COX7B2: variants seen among roughly 807,000 people sequenced by gnomAD.
COX7B2 encodes the protein cytochrome c oxidase subunit 7B2, mitochondrial.
For missense variants in COX7B2, 109 were observed against 95.9 expected (o/e 1.14, Z -0.57); for synonymous variants, 37 against 32.1 (o/e 1.15, Z -0.51).
intron 2 of COX7B2, among the ~76,000 whole-genome samples, chr4:46,818,826 C>T (rs1471046036): frequency 6.6e-6 from 1 of 152,146 alleles, no homozygotes; most frequent in Non-Finnish European, 1.5e-5. Context: ...CTTAACTGTT[C>T]CACAAACACA....
At chr4:46,745,095 A>C (rs2109411398) in intron 2 of COX7B2, among the ~76,000 whole-genome samples, 1 of 152,312 alleles carries the variant, frequency 6.6e-6, no homozygotes, top group East Asian at 1.9e-4. Context: ...AATTGTTTGC[A>C]GTTGCCAACC....
intron 2 of COX7B2, among the ~76,000 whole-genome samples, chr4:46,826,094 T>C (rs1714672244): frequency 6.6e-6 from 1 of 152,022 alleles, no homozygotes; most frequent in South Asian, 2.1e-4. Flanking sequence ...ACAGACAAAC[T>C]ACAGAATGAG....
At chr4:46,774,176 G>C (rs181597370) in intron 2 of COX7B2, among the ~76,000 whole-genome samples, 2 of 152,034 alleles carry the variant, frequency 1.3e-5, no homozygotes, top group Admixed American at 6.6e-5. Flanking sequence ...TTTCTGGAAA[G>C]TGCCCCCAAG....
intron 2 of COX7B2, among the ~76,000 whole-genome samples, chr4:46,813,382 C>T (rs1271485715): frequency 6.6e-6 from 1 of 152,066 alleles, no homozygotes; most frequent in South Asian, 2.1e-4. Flanking sequence ...TTGGACTGGA[C>T]AAAGATGTTA....
chr4:46,804,029 T>C (rs1211089110), intron 2 of COX7B2, among the ~76,000 whole-genome samples: 1 of 152,110 alleles, frequency 6.6e-6, no homozygotes, highest in Non-Finnish European at 1.5e-5. Flanking sequence ...CCTTCTGATG[T>C]TCGGATGTGT....
intron 2 of COX7B2, among the ~76,000 whole-genome samples, chr4:46,766,625 C>T (rs558845277): frequency 8.7e-5 from 13 of 149,446 alleles, no homozygotes; most frequent in African/African-American, 2.7e-4. Flanking sequence ...TCTCTTGACC[C>T]AGGAGGCAGA....
At chr4:46,738,821 C>G (rs1473732660) in intron 2 of COX7B2, among the ~76,000 whole-genome samples, 2 of 151,938 alleles carry the variant, frequency 1.3e-5, no homozygotes, top group African/African-American at 4.8e-5. Flanking sequence ...GTAGTAAAAA[C>G]AAAGTAAAAG....
At chr4:46,802,585 T>C (rs957044038) in intron 2 of COX7B2, among the ~76,000 whole-genome samples, 1 of 152,138 alleles carries the variant, frequency 6.6e-6, no homozygotes, top group African/African-American at 2.4e-5. Context: ...TCATTTCATA[T>C]GTTATTCAAG....
intron 1 of COX7B2, among the ~76,000 whole-genome samples, chr4:46,899,123 A>C (rs1184661431): frequency 2.0e-5 from 3 of 152,146 alleles, no homozygotes; most frequent in Non-Finnish European, 4.4e-5. Flanking sequence ...CCAACTCATT[A>C]TCCTTCTCCT....
chr4:46,873,940 A>C (rs1037664322), intron 1 of COX7B2, among the ~76,000 whole-genome samples: 7 of 152,024 alleles, frequency 4.6e-5, no homozygotes, highest in Non-Finnish European at 1.0e-4. Context: ...TAGAGGTATT[A>C]TTTTCTTTGT....
chr4:46,879,610 T>C (rs1196606494), intron 1 of COX7B2, among the ~76,000 whole-genome samples: 2 of 152,070 alleles, frequency 1.3e-5, no homozygotes, highest in African/African-American at 2.4e-5. Flanking sequence ...GTATGTTGCA[T>C]AATCTTTATC....
intron 2 of COX7B2, among the ~76,000 whole-genome samples, chr4:46,806,347 A>T (rs903172467): frequency 1.3e-5 from 2 of 151,914 alleles, no homozygotes; most frequent in African/African-American, 2.4e-5. Flanking sequence ...AAAAAATAAA[A>T]AATAAAGTAA....
chr4:46,812,194 C>T (rs550554832), intron 2 of COX7B2, among the ~76,000 whole-genome samples: 23 of 152,074 alleles, frequency 1.5e-4, no homozygotes, highest in African/African-American at 2.2e-4. Context: ...GTCAAAATAC[C>T]GTAGTTCCCA....
At chr4:46,830,353 A>C (rs35692104) in intron 2 of COX7B2, among the ~76,000 whole-genome samples, 1 of 151,652 alleles carries the variant, frequency 6.6e-6, no homozygotes, top group East Asian at 1.9e-4. Context: ...AGAAAAAGAA[A>C]GAGAAAACGG....
intron 1 of COX7B2, among the ~76,000 whole-genome samples, chr4:46,863,815 C>T (rs1717483716): frequency 6.6e-6 from 1 of 152,146 alleles, no homozygotes; most frequent in Admixed American, 6.5e-5. Flanking sequence ...TGATTTTATA[C>T]TCTTTGCTGT....
intron 2 of COX7B2, among the ~76,000 whole-genome samples, chr4:46,767,682 T>C (rs905367817): frequency 6.6e-6 from 1 of 151,754 alleles, no homozygotes; most frequent in South Asian, 2.1e-4. Context: ...AAATTAGAAA[T>C]CACTAACAGG....
chr4:46,784,345 G>A (rs1377644930), intron 2 of COX7B2, among the ~76,000 whole-genome samples: 1 of 151,988 alleles, frequency 6.6e-6, no homozygotes, highest in Non-Finnish European at 1.5e-5. Context: ...CTTAGAAAAG[G>A]GCCGGGTGCG....
chr4:46,763,423 C>A (rs1461870685), intron 2 of COX7B2, among the ~76,000 whole-genome samples: 4 of 151,280 alleles, frequency 2.6e-5, no homozygotes, highest in Admixed American at 1.3e-4. Flanking sequence ...CAGTGGTGAT[C>A]CAGCTGTTTG....
chr4:46,817,018 C>T (rs1410427105), intron 2 of COX7B2, among the ~76,000 whole-genome samples: 2 of 152,154 alleles, frequency 1.3e-5, no homozygotes, highest in Non-Finnish European at 2.9e-5. Flanking sequence ...GTGCTTTCAG[C>T]AGCTGCTCAT....
Sources: allele counts gnomAD v4.1 joint callset (sites outside exome capture counted in the v4.1 genomes callset), GRCh38; gene constraint gnomAD v4.1.1; transcripts MANE v1.5; gene names NCBI Gene and HGNC (gene_info 2026-07-23, HGNC 2026-07-21).